Variants in PAK2 observed in about 807,000 individuals in gnomAD.
The protein encoded by PAK2 is p21 (RAC1) activated kinase 2.
Under a neutral mutation model 65.9 loss-of-function variants are expected in PAK2, and 21 were observed. The observed-to-expected ratio is 0.32, with a 90% CI of 0.23 to 0.46. The LOEUF (loss-of-function observed/expected upper bound fraction) is 0.46. Among genes scored for constraint, PAK2 ranks in the 20% least tolerant of loss-of-function variants. The pLI is 1.00. For synonymous variants in PAK2, 204 were observed against 219.7 expected (o/e 0.93, Z 0.63); for missense variants, 324 against 642.6 (o/e 0.50, Z 5.36).
chr3:196,779,071 A>G (rs1714627099), intron 1 of PAK2, among the ~76,000 whole-genome samples: 1 of 152,178 alleles, frequency 6.6e-6, no homozygotes, highest in Non-Finnish European at 1.5e-5. Context: ...GAAGTGAGTC[A>G]CTAAGTCCTG....
At position 196,831,336 on chromosome 3, in the gene PAK2, A is replaced by T. The variant is rs1399281987; in HGVS notation, c.*2931A>T. On this transcript the variant is annotated 3_prime_UTR_variant, in exon 15 of 15. Transcript: ENST00000327134. ...ATAGTACTTATTTATTTTATTTTAG[A>T]TTTAAAGTTATCTTCTCTTTTTCTT... 1 of 152,142 alleles carries T rather than the reference A, an allele frequency of 6.6e-6. No homozygotes were observed. 9.4% of individuals were successfully genotyped at this position (152,142 alleles called of 1,614,324 possible).
At position 196,746,847 on chromosome 3, in the gene PAK2, T is replaced by G. The variant is rs114074818; in HGVS notation, c.-22+6690T>G. On this transcript the variant is annotated intron_variant, in intron 1 of 14. Coordinates refer to ENST00000327134, the MANE Select transcript of PAK2 (RefSeq NM_002577.4). Reference sequence around the variant, plus strand: ...AAAAAAAAAGGATAGGCCTTTATGATAACTTCTGTAGTTAACTTCTATAAC... The same window carrying G: ...AAAAAAAAAGGATAGGCCTTTATGAGAACTTCTGTAGTTAACTTCTATAAC... 1.2e-3 allele frequency among the ~76,000 whole-genome samples: 186 copies of G among 151,632 alleles called. 4 individuals are homozygous for G. The South Asian group carries it at 0.029, about 23-fold the overall frequency.
At chr3:196,788,842 C>T (rs530695434) in intron 2 of PAK2, among the ~76,000 whole-genome samples, 7 of 152,098 alleles carry the variant, frequency 4.6e-5, no homozygotes, top group South Asian at 2.1e-4. Flanking sequence ...GAGTGCCGCC[C>T]GGTGTTACTG....
chr3:196,761,276 T>C (rs547824856), intron 1 of PAK2, among the ~76,000 whole-genome samples: 2 of 114,770 alleles, frequency 1.7e-5, no homozygotes, highest in South Asian at 3.3e-4. Context: ...CAAAGGTCTC[T>C]GGTTTTCCTA....
At chr3:196,822,086 T>C (rs1711674175) in intron 13 of PAK2, among the ~76,000 whole-genome samples, 1 of 152,134 alleles carries the variant, frequency 6.6e-6, no homozygotes, top group African/African-American at 2.4e-5. Flanking sequence ...TGCCAAAGAT[T>C]CCAGTTTATG....
chr3:196,804,857 A>G (rs1222597150), intron 4 of PAK2, among the ~76,000 whole-genome samples: 2 of 151,406 alleles, frequency 1.3e-5, no homozygotes, highest in Non-Finnish European at 2.9e-5. Flanking sequence ...ACACACACAT[A>G]TACACACACA....
intron 1 of PAK2, among the ~76,000 whole-genome samples, chr3:196,759,340 G>A (rs2108717876): frequency 6.6e-6 from 1 of 152,102 alleles, no homozygotes; most frequent in Non-Finnish European, 1.5e-5. Context: ...ATCCTTGCCT[G>A]TGCCTCTGTT....
intron 2 of PAK2, among the ~76,000 whole-genome samples, chr3:196,784,017 T>G (rs932946918): frequency 1.3e-5 from 2 of 152,168 alleles, no homozygotes; most frequent in Admixed American, 6.6e-5. Context: ...TGGATAATGT[T>G]GAATGTACAT....
At chr3:196,742,804 C>T (rs1294735990) in intron 1 of PAK2, among the ~76,000 whole-genome samples, 2 of 152,196 alleles carry the variant, frequency 1.3e-5, no homozygotes, top group Non-Finnish European at 2.9e-5. Flanking sequence ...GTAGTCCCAG[C>T]TACTCGGGAG....
intron 12 of PAK2, 89 bp downstream of exon 12, chr3:196,818,245 T>A (rs1411621359): frequency 9.8e-6 from 6 of 612,550 alleles, no homozygotes; most frequent in Non-Finnish European, 1.8e-5. Flanking sequence ...ATGCAAGGAT[T>A]AATAATGATT....
In PAK2 at chr3:196,829,917, T is replaced by C. The variant is rs539397739; in HGVS notation, c.*1512T>C. The C allele has an allele frequency of 6.6e-6, 1 of 152,082 alleles. No homozygotes were observed. The highest frequency in any genetic ancestry group is 1.9e-4 in the East Asian group (1 of 5,160). 9.4% of individuals were successfully genotyped at this position (152,082 alleles called of 1,614,324 possible). A position where few individuals can be genotyped will look rare whatever the true frequency, so the allele number is the denominator to read the frequency against. ...CTTCTCCCCTCCCCTCCCTTTTCTC[T>C]TCTCTTTTTTCCTCTCCTCTTCTTC... is the stretch of plus-strand genomic sequence containing the variant. On this transcript the variant is annotated 3_prime_UTR_variant, in exon 15 of 15. Coordinates refer to ENST00000327134, the MANE Select transcript of PAK2 (RefSeq NM_002577.4).
At chr3:196,764,966 C>T (rs111733754) in intron 1 of PAK2, among the ~76,000 whole-genome samples, 3 of 151,050 alleles carry the variant, frequency 2.0e-5, no homozygotes, top group African/African-American at 7.3e-5. Flanking sequence ...CCTCAGCCTC[C>T]TGAGTAGCTG....
intron 12 of PAK2, 39 bp downstream of exon 12, chr3:196,818,195 A>G (rs1711529393): frequency 1.2e-6 from 1 of 803,338 alleles, no homozygotes; most frequent in Non-Finnish European, 2.2e-6. Context: ...ATTTATTATA[A>G]TTTTCTGCCT....
intron 1 of PAK2, among the ~76,000 whole-genome samples, chr3:196,743,839 G>T (rs560651366): frequency 1.3e-5 from 2 of 152,064 alleles, no homozygotes; most frequent in African/African-American, 2.4e-5. Flanking sequence ...CTGAGATTGC[G>T]CCACTGCACT....
At chr3:196,761,145 C>CTTTTTT (rs58174238) in intron 1 of PAK2, among the ~76,000 whole-genome samples, 2 of 119,504 alleles carry the variant, frequency 1.7e-5, no homozygotes. Context: ...AGGAGAACCG[C>CTTTTTT]TTTTTTTTTT....
intron 1 of PAK2, among the ~76,000 whole-genome samples, chr3:196,741,803 G>A (rs1462628758): frequency 6.6e-6 from 1 of 152,034 alleles, no homozygotes; most frequent in African/African-American, 2.4e-5. Context: ...AAAGGTTGGA[G>A]TTTTGTTGGA....
rs183182027 is a variant in PAK2, at chr3:196,825,084, G to A, written c.1351-2112G>A. Reference sequence around the variant, plus strand: ...TTTAGGACCAGACGCAGCGGCTCATGCCTGTAATACCAGCACTTTGGGAGG... The same window carrying A: ...TTTAGGACCAGACGCAGCGGCTCATACCTGTAATACCAGCACTTTGGGAGG... On this transcript the variant is annotated intron_variant, in intron 13 of 14. Coordinates refer to ENST00000327134, the MANE Select transcript of PAK2 (RefSeq NM_002577.4). Among the ~76,000 whole-genome samples, 21 of 152,260 alleles carry A rather than the reference G, an allele frequency of 1.4e-4. 1 individual carries two copies. The East Asian group carries it at 3.7e-3, about 27-fold the overall frequency.
intron 1 of PAK2, among the ~76,000 whole-genome samples, chr3:196,745,549 T>TA (rs374419555): frequency 6.6e-6 from 1 of 152,274 alleles, no homozygotes; most frequent in Non-Finnish European, 1.5e-5. Flanking sequence ...TGCAGTGGCT[T>TA]ACGCCTGTAA....
At chr3:196,745,007 G>A (rs1001111457) in intron 1 of PAK2, among the ~76,000 whole-genome samples, 12 of 151,380 alleles carry the variant, frequency 7.9e-5, no homozygotes, top group African/African-American at 2.7e-4. Flanking sequence ...CTCTTCACAT[G>A]TAATAGATAT....
Sources: allele counts gnomAD v4.1 joint callset (sites outside exome capture counted in the v4.1 genomes callset), GRCh38; gene constraint gnomAD v4.1.1; transcripts MANE v1.5; gene names NCBI Gene and HGNC (gene_info 2026-07-23, HGNC 2026-07-21).